LMNB1: variants seen among roughly 807,000 people sequenced by gnomAD.
LMNB1 encodes lamin-B1.
A neutral mutation model predicts 67.1 loss-of-function variants in LMNB1; 23 were observed. The observed-to-expected ratio is 0.34, with a 90% CI of 0.25 to 0.49. The LOEUF is 0.49. LMNB1 is among the 20% of genes least tolerant of loss of function. LMNB1 has a pLI of 0.99. For synonymous variants in LMNB1, 281 were observed against 282.9 expected (o/e 0.99, Z 0.07); for missense variants, 634 against 746.5 (o/e 0.85, Z 1.76).
chr5:126,814,300 C>T (rs1018657358), intron 5 of LMNB1, among the ~76,000 whole-genome samples: 72 of 152,228 alleles, frequency 4.7e-4, no homozygotes, highest in Non-Finnish European at 1.9e-4. Context: ...AAGTTGTCTA[C>T]TAGTTACTGT....
intron 1 of LMNB1, among the ~76,000 whole-genome samples, chr5:126,791,953 T>G (rs1003376682): frequency 6.6e-6 from 1 of 151,770 alleles, no homozygotes; most frequent in African/African-American, 2.4e-5. Context: ...GGGCTGATTT[T>G]CGTATTTTTA....
At chr5:126,785,728 C>T (rs920474804) in intron 1 of LMNB1, among the ~76,000 whole-genome samples, 2 of 96,080 alleles carry the variant, frequency 2.1e-5, no homozygotes, top group South Asian at 3.3e-4. Flanking sequence ...GGGCCCAACC[C>T]TTAGGTTGGG....
intron 1 of LMNB1, among the ~76,000 whole-genome samples, chr5:126,795,919 C>T (rs1432613817): frequency 7.3e-6 from 1 of 137,488 alleles, no homozygotes; most frequent in African/African-American, 2.7e-5. Context: ...AGCCACTGCG[C>T]CTGGCCCAGG....
At chr5:126,790,366 A>C (rs1361053308) in intron 1 of LMNB1, among the ~76,000 whole-genome samples, 1 of 152,136 alleles carries the variant, frequency 6.6e-6, no homozygotes, top group Non-Finnish European at 1.5e-5. Context: ...TCGGCCTCCC[A>C]AAGTGCTGGG....
intron 1 of LMNB1, among the ~76,000 whole-genome samples, chr5:126,794,111 T>C (rs1751031882): frequency 6.6e-6 from 1 of 152,048 alleles, no homozygotes; most frequent in South Asian, 2.1e-4. Flanking sequence ...ACTTTTGTAT[T>C]TTTGTATTTC....
At chr5:126,787,542 A>ATTTTTTTT (rs1561735766) in intron 1 of LMNB1, among the ~76,000 whole-genome samples, 1 of 68,276 alleles carries the variant, frequency 1.5e-5, no homozygotes, top group Non-Finnish European at 2.9e-5. Flanking sequence ...ATATATATAT[A>ATTTTTTTT]TATATTTTTT....
chr5:126,827,195 C>G (rs1752016979), intron 9 of LMNB1, among the ~76,000 whole-genome samples: 1 of 152,106 alleles, frequency 6.6e-6, no homozygotes, highest in Admixed American at 6.6e-5. Context: ...CAGGGCTATT[C>G]ATTTATTTGG....
At chr5:126,800,981 AAT>A (rs1751268526) in intron 1 of LMNB1, among the ~76,000 whole-genome samples, 1 of 28,056 alleles carries the variant, frequency 3.6e-5, no homozygotes, top group African/African-American at 1.1e-4. Flanking sequence ...ATATATATAT[AAT>A]TTTTTTTTTT....
At chr5:126,799,301 C>T (rs1038870738) in intron 1 of LMNB1, among the ~76,000 whole-genome samples, 1 of 152,270 alleles carries the variant, frequency 6.6e-6, no homozygotes, top group African/African-American at 2.4e-5. Flanking sequence ...CGTGAGCCAC[C>T]GCGCCCGGCC....
intron 1 of LMNB1, among the ~76,000 whole-genome samples, chr5:126,795,533 A>C (rs1211942573): frequency 6.6e-6 from 1 of 152,162 alleles, no homozygotes; most frequent in Non-Finnish European, 1.5e-5. Context: ...AATGTACCCT[A>C]AAGTTATCAC....
At chr5:126,813,650 A>T (rs1751632838) in intron 5 of LMNB1, among the ~76,000 whole-genome samples, 1 of 152,152 alleles carries the variant, frequency 6.6e-6, no homozygotes, top group South Asian at 2.1e-4. Flanking sequence ...CTGCCTGGTG[A>T]GGGCTGTTCC....
chr5:126,836,142 TAGTTAAA>T (rs1222494947), intron 10 of LMNB1, 74 bp from the exon 11 acceptor site: 1 of 978,452 alleles, frequency 1.0e-6, no homozygotes, highest in Admixed American at 1.8e-5. Flanking sequence ...GGTATCCCTG[TAGTTAAA>T]AGTTTTTGTC....
At chr5:126,829,801 C>A (rs1362478237) in intron 9 of LMNB1, among the ~76,000 whole-genome samples, 1 of 152,074 alleles carries the variant, frequency 6.6e-6, no homozygotes, top group East Asian at 1.9e-4. Flanking sequence ...TCTTCCTCCC[C>A]TCTACAGCCA....
At chr5:126,816,228 T>G (rs1394960721) in intron 5 of LMNB1, among the ~76,000 whole-genome samples, 1 of 152,188 alleles carries the variant, frequency 6.6e-6, no homozygotes, top group Non-Finnish European at 1.5e-5. Flanking sequence ...GGGACTACCT[T>G]TGTAATATCC....
intron 1 of LMNB1, among the ~76,000 whole-genome samples, chr5:126,787,546 A>ATATATATATATATATATTTT: frequency 3.1e-5 from 2 of 65,570 alleles, no homozygotes; most frequent in South Asian, 5.6e-4. Context: ...ATATATATAT[A>ATATATATATATATATATTTT]TTTTTTTTTT....
At chr5:126,776,939 C>T (rs970651699), upstream of LMNB1, 1 of 152,428 alleles carries the variant, frequency 6.6e-6, no homozygotes, top group African/African-American at 2.4e-5. Flanking sequence ...TGCCCAAGGG[C>T]CAGATTTTAA....
intron 1 of LMNB1, among the ~76,000 whole-genome samples, chr5:126,792,788 C>T (rs1750994984): frequency 6.6e-6 from 1 of 151,884 alleles, no homozygotes; most frequent in Non-Finnish European, 1.5e-5. Flanking sequence ...GCTGGTCAGG[C>T]TGGTCTCAAA....
chr5:126,820,487 A>ATATTT (rs1751836646), intron 6 of LMNB1, among the ~76,000 whole-genome samples: 1 of 152,124 alleles, frequency 6.6e-6, no homozygotes, highest in Non-Finnish European at 1.5e-5. Flanking sequence ...ATTGTAAGTA[A>ATATTT]TATTTTGCTT....
At chr5:126,792,734 G>A (rs1198939144) in intron 1 of LMNB1, among the ~76,000 whole-genome samples, 3 of 151,958 alleles carry the variant, frequency 2.0e-5, no homozygotes, top group East Asian at 3.9e-4. Context: ...GTGCCACCAC[G>A]CCTGGCTAAT....
Sources: gnomAD v4.1 joint callset for allele counts (sites outside exome capture counted in the v4.1 genomes callset) on GRCh38, gnomAD v4.1.1 for gene constraint, MANE v1.5 for transcripts, NCBI Gene and HGNC (gene_info 2026-07-23, HGNC 2026-07-21) for gene names.